The following LRMDA variants were observed in gnomAD, a reference collection of about 807,000 sequenced individuals.
LRMDA encodes leucine-rich melanocyte differentiation-associated protein.
In LRMDA, 18 loss-of-function variants were observed where a neutral mutation model predicts 29.8. The observed-to-expected ratio is 0.60, with a 90% confidence interval of 0.42 to 0.90. The LOEUF (loss-of-function observed/expected upper bound fraction) is 0.90. Ranked by LOEUF, LRMDA falls within the 40% of genes least tolerant of loss-of-function variation. LRMDA has a pLI of 0.00. For missense variants in LRMDA, 273 were observed against 273.9 expected (o/e 1.00, Z 0.02); for synonymous variants, 125 against 109.4 (o/e 1.14, Z -0.89).
intron 6 of LRMDA, among the ~76,000 whole-genome samples, chr10:76,547,698 A>G (rs1843438906): frequency 6.6e-6 from 1 of 151,890 alleles, no homozygotes; most frequent in Admixed American, 6.6e-5. Context: ...TGAGTTTCTC[A>G]CTCAAACATT....
At chr10:75,514,532 G>A (rs918967356) in intron 2 of LRMDA, among the ~76,000 whole-genome samples, 2 of 152,110 alleles carry the variant, frequency 1.3e-5, no homozygotes, top group Non-Finnish European at 2.9e-5. Flanking sequence ...AGTGTTGGAG[G>A]TAGGGCCTAA....
At chr10:76,438,003 T>TGC (rs1460159992) in intron 6 of LRMDA, among the ~76,000 whole-genome samples, 1 of 151,890 alleles carries the variant, frequency 6.6e-6, no homozygotes, top group African/African-American at 2.4e-5. Context: ...CAGCGGCAAC[T>TGC]CTCTGTTATT....
intron 5 of LRMDA, among the ~76,000 whole-genome samples, chr10:76,265,821 G>A (rs555076227): frequency 8.5e-5 from 13 of 152,272 alleles, no homozygotes; most frequent in African/African-American, 2.9e-4. Context: ...CAAACCAAAA[G>A]ACTAACATGT....
At chr10:75,648,670 A>G (rs575493688) in intron 2 of LRMDA, among the ~76,000 whole-genome samples, 2 of 152,250 alleles carry the variant, frequency 1.3e-5, no homozygotes, top group South Asian at 2.1e-4. Context: ...GAAGCTGCCA[A>G]TTACCTCACA....
At chr10:75,875,193 G>A (rs931103145) in intron 2 of LRMDA, among the ~76,000 whole-genome samples, 20 of 152,198 alleles carry the variant, frequency 1.3e-4, no homozygotes, top group African/African-American at 4.3e-4. Context: ...GCATAATGCA[G>A]TGACAGGAGT....
At chr10:75,584,219 A>G (rs562094999) in intron 2 of LRMDA, among the ~76,000 whole-genome samples, 13 of 151,858 alleles carry the variant, frequency 8.6e-5, no homozygotes, top group African/African-American at 3.1e-4. Context: ...CTAGGCTAGG[A>G]GCTGCCTGCA....
chr10:75,972,869 AGGGGCT>A (rs769773435), intron 2 of LRMDA, among the ~76,000 whole-genome samples: 29 of 151,948 alleles, frequency 1.9e-4, no homozygotes, highest in South Asian at 1.2e-3. Flanking sequence ...TAGGCATGTG[AGGGGCT>A]GGGGCTGGGG....
At chr10:75,508,589 T>G (rs1317781490) in intron 2 of LRMDA, among the ~76,000 whole-genome samples, 1 of 152,196 alleles carries the variant, frequency 6.6e-6, no homozygotes, top group Non-Finnish European at 1.5e-5. Context: ...ATAAAGCCAA[T>G]AAACTGTCAA....
At chr10:75,971,930 A>G (rs1270144318) in intron 2 of LRMDA, among the ~76,000 whole-genome samples, 1 of 152,202 alleles carries the variant, frequency 6.6e-6, no homozygotes, top group Non-Finnish European at 1.5e-5. Context: ...GTGGATTTCC[A>G]TCTGGAGAGT....
intron 2 of LRMDA, among the ~76,000 whole-genome samples, chr10:75,515,248 T>A (rs1246213154): frequency 2.0e-5 from 3 of 152,164 alleles, no homozygotes; most frequent in Non-Finnish European, 1.5e-5. Flanking sequence ...GAATGAATGG[T>A]AGTGGGTATG....
At chr10:75,695,334 T>C (rs4746319) in intron 2 of LRMDA, among the ~76,000 whole-genome samples, 5,753 of 152,226 alleles carry the variant, frequency 0.038, 273 homozygotes, top group African/African-American at 0.11. Context: ...AAAATACAAT[T>C]GCTTTAATTT....
Position 76,557,077 on chromosome 10 carries a change from C to T in LRMDA, c.602-132C>T. 4.2e-6 allele frequency: 3 copies of T among 709,102 alleles called. No homozygotes were observed. The East Asian group carries it at 7.8e-5, about 19-fold the overall frequency. 43.9% of individuals were successfully genotyped at this position (709,102 alleles called of 1,614,324 possible). ...GAGGACAAAAAGGGAGAGTTCTTCC[C>T]TTCTGGAGCTTCATCCACTTTCTGC... On this transcript the variant is annotated intron_variant, in intron 6 of 6. Coordinates refer to ENST00000611255, the MANE Select transcript of LRMDA (RefSeq NM_001305581.2).
At chr10:76,392,837 AACTT>A (rs1323818381) in intron 6 of LRMDA, among the ~76,000 whole-genome samples, 5 of 152,068 alleles carry the variant, frequency 3.3e-5, no homozygotes, top group African/African-American at 9.7e-5. Flanking sequence ...ATATCTTCCC[AACTT>A]ACTTATACTC....
chr10:75,955,348 C>T (rs1228567824), intron 2 of LRMDA, among the ~76,000 whole-genome samples: 1 of 152,176 alleles, frequency 6.6e-6, no homozygotes, highest in Non-Finnish European at 1.5e-5. Flanking sequence ...CAAACATTTA[C>T]TGCCACTCTC....
rs536338942 is a variant in LRMDA at position 76,152,501 on chromosome 10, C to A, written c.516+93718C>A. 4.6e-5 allele frequency among the ~76,000 whole-genome samples: 7 copies of A among 152,030 alleles called. No homozygotes were observed. The South Asian group carries it at 1.0e-3, about 23-fold the overall frequency. ...TGCTGCTATTAATATTTTTTGTATA[C>A]GTTTTTGTGTGAATATGTTTTTCAG... On this transcript the variant is annotated intron_variant, in intron 5 of 6. Coordinates refer to ENST00000611255, the MANE Select transcript of LRMDA (RefSeq NM_001305581.2).
At chr10:75,743,081 G>A (rs1240848720) in intron 2 of LRMDA, among the ~76,000 whole-genome samples, 1 of 152,098 alleles carries the variant, frequency 6.6e-6, no homozygotes, top group Non-Finnish European at 1.5e-5. Flanking sequence ...GAAGATTATG[G>A]TCTGTGTGGA....
chr10:76,253,264 T>A (rs1193005864), intron 5 of LRMDA, among the ~76,000 whole-genome samples: 2 of 152,174 alleles, frequency 1.3e-5, no homozygotes, highest in Admixed American at 6.5e-5. Context: ...TAGAGTCCTG[T>A]GGGTAGGTTT....
intron 2 of LRMDA, among the ~76,000 whole-genome samples, chr10:76,015,594 A>G (rs1847867786): frequency 6.6e-6 from 1 of 152,134 alleles, no homozygotes; most frequent in Admixed American, 6.5e-5. Context: ...GATTCTGTTC[A>G]TTAGAAGCAA....
At chr10:76,159,300 GTCA>G (rs1179578557) in intron 5 of LRMDA, among the ~76,000 whole-genome samples, 9 of 152,112 alleles carry the variant, frequency 5.9e-5, no homozygotes, top group Admixed American at 5.9e-4. Context: ...CACATCTTCT[GTCA>G]TCAGGGAAAT....
Sources: gnomAD v4.1 joint callset for allele counts (sites outside exome capture counted in the v4.1 genomes callset) on GRCh38, gnomAD v4.1.1 for gene constraint, MANE v1.5 for transcripts, NCBI Gene and HGNC (gene_info 2026-07-23, HGNC 2026-07-21) for gene names.